Variants in ZDHHC20 observed in about 807,000 individuals in gnomAD.
The protein encoded by ZDHHC20 is zDHHC palmitoyltransferase 20, also known as palmitoyltransferase ZDHHC20.
A neutral mutation model predicts 57.8 loss-of-function variants in ZDHHC20; 43 were observed. The observed-to-expected ratio is 0.74, with a 90% confidence interval of 0.58 to 0.96. The LOEUF is 0.96. Ranked by LOEUF, ZDHHC20 falls within the 40% of genes least tolerant of loss-of-function variation. The pLI is 0.00. For missense variants in ZDHHC20, 391 were observed against 441.1 expected (o/e 0.89, Z 1.02); for synonymous variants, 157 against 153.0 (o/e 1.03, Z -0.19).
intron 1 of ZDHHC20, 44 bp downstream of exon 1, chr13:21,459,010 G>GCCGCGGC (rs770854176): frequency 3.4e-5 from 51 of 1,507,150 alleles, no homozygotes; most frequent in African/African-American, 2.7e-4. Context: ...TCGCGCCCTA[G>GCCGCGGC]CCGCGGCCCG....
At chr13:21,444,511 C>A (rs2146401) in intron 1 of ZDHHC20, among the ~76,000 whole-genome samples, 90,225 of 151,942 alleles carry the variant, frequency 0.59, 27,610 homozygotes, top group Non-Finnish European at 0.68. Flanking sequence ...GTGATAATAA[C>A]GGGTACTTTC....
intron 1 of ZDHHC20, among the ~76,000 whole-genome samples, chr13:21,438,517 C>T (rs1371726183): frequency 6.6e-6 from 1 of 152,144 alleles, no homozygotes; most frequent in Non-Finnish European, 1.5e-5. Context: ...TTGCTGCAAC[C>T]TCATGATAAA....
At chr13:21,452,972 C>T (rs1423413322) in intron 1 of ZDHHC20, among the ~76,000 whole-genome samples, 2 of 152,028 alleles carry the variant, frequency 1.3e-5, no homozygotes, top group Non-Finnish European at 2.9e-5. Flanking sequence ...TAGACTTAAG[C>T]CTATATCAAT....
At chr13:21,439,225 T>C (rs1368602555) in intron 1 of ZDHHC20, among the ~76,000 whole-genome samples, 20 of 152,198 alleles carry the variant, frequency 1.3e-4, no homozygotes, top group African/African-American at 4.8e-4. Flanking sequence ...CTTGGCCGAG[T>C]GCAGTGGCTC....
intron 11 of ZDHHC20, among the ~76,000 whole-genome samples, chr13:21,380,471 T>C (rs1047421993): frequency 6.6e-6 from 1 of 151,718 alleles, no homozygotes; most frequent in African/African-American, 2.4e-5. Flanking sequence ...AGAATTATTT[T>C]CAACTAAGCA....
Position 21,421,108 on chromosome 13 carries a change from AC to A in ZDHHC20, c.201del (p.Trp67CysfsTer5). 1 of 1,613,366 alleles carries A rather than the reference AC, an allele frequency of 6.2e-7. No homozygotes were observed. Among genetic ancestry groups the A allele is most frequent in the Non-Finnish European group, 8.5e-7 (1 of 1,179,732 alleles). On this transcript the variant is annotated frameshift_variant, in exon 3 of 13. Coordinates refer to ENST00000400590, the MANE Select transcript of ZDHHC20 (RefSeq NM_001330059.2). LOFTEE classifies it high-confidence loss of function. The stretch of plus-strand genomic sequence containing the variant: ...GATGTGAAAATTGTCATCCAATAGG[AC>A]CATACAAACATAACAAAGAACAGAT... ...AFHLFFVMFVWSYWMTIFTSP... is the reference protein window; with the variant it reads ...AFHLFFVMFVXSYWMTIFTSP...
intron 7 of ZDHHC20, among the ~76,000 whole-genome samples, chr13:21,399,713 A>C (rs1362297125): frequency 6.6e-6 from 1 of 152,192 alleles, no homozygotes; most frequent in Non-Finnish European, 1.5e-5. Flanking sequence ...GATAAAACAT[A>C]TACAAATATA....
At chr13:21,419,973 G>A (rs1036916895) in intron 3 of ZDHHC20, among the ~76,000 whole-genome samples, 2 of 152,158 alleles carry the variant, frequency 1.3e-5, no homozygotes, top group Non-Finnish European at 2.9e-5. Flanking sequence ...TCCTAACAAT[G>A]TGGCAGGTAC....
chr13:21,411,663 G>T (rs1183490552), intron 4 of ZDHHC20, among the ~76,000 whole-genome samples: 1 of 152,202 alleles, frequency 6.6e-6, no homozygotes, highest in African/African-American at 2.4e-5. Flanking sequence ...AGAAAAGGAG[G>T]CTTGATGACT....
intron 3 of ZDHHC20, 145 bp downstream of exon 3, chr13:21,420,916 A>G: frequency 3.2e-6 from 2 of 621,018 alleles, no homozygotes; most frequent in Admixed American, 2.9e-5. Flanking sequence ...CTGATGACTC[A>G]CATTCACAGT....
At position 21,455,411 on chromosome 13, in the gene ZDHHC20, C is replaced by G. The variant is rs138082599; in HGVS notation, c.118+3643G>C. On this transcript the variant is annotated intron_variant, in intron 1 of 12. Coordinates refer to ENST00000400590, the MANE Select transcript of ZDHHC20 (RefSeq NM_001330059.2). ...GAATTAGCACTTGCCTCAAAAATAACCACCTTGACCAAAGAGAAGAAGTTA... is the reference window on the plus strand; with the variant it reads ...GAATTAGCACTTGCCTCAAAAATAAGCACCTTGACCAAAGAGAAGAAGTTA... 2.4e-3 allele frequency among the ~76,000 whole-genome samples: 361 copies of G among 152,196 alleles called. 3 individuals carry two copies. The highest frequency in any genetic ancestry group is 8.3e-3 in the African/African-American group (346 of 41,518).
intron 1 of ZDHHC20, among the ~76,000 whole-genome samples, chr13:21,427,690 C>T (rs1190113768): frequency 6.6e-6 from 1 of 151,968 alleles, no homozygotes; most frequent in Non-Finnish European, 1.5e-5. Context: ...CAAAAATTAG[C>T]CAGGCATGGT....
intron 1 of ZDHHC20, among the ~76,000 whole-genome samples, chr13:21,447,450 G>A (rs1441944687): frequency 6.8e-6 from 1 of 147,354 alleles, no homozygotes; most frequent in Non-Finnish European, 1.5e-5. Flanking sequence ...GCGCCGCCAC[G>A]CCTGACTGGT....
At chr13:21,448,229 C>A (rs1402395871) in intron 1 of ZDHHC20, among the ~76,000 whole-genome samples, 2 of 60,802 alleles carry the variant, frequency 3.3e-5, no homozygotes, top group Admixed American at 1.4e-4. Flanking sequence ...CTGCCCCATC[C>A]GGGAGGTGAG....
intron 1 of ZDHHC20, among the ~76,000 whole-genome samples, chr13:21,448,843 A>C: frequency 1.1e-5 from 1 of 88,074 alleles, no homozygotes; most frequent in East Asian, 2.3e-4. Context: ...AGAAGTAGAC[A>C]TGGGAGACTT....
At chr13:21,445,179 T>A (rs1883564785) in intron 1 of ZDHHC20, among the ~76,000 whole-genome samples, 1 of 152,082 alleles carries the variant, frequency 6.6e-6, no homozygotes, top group African/African-American at 2.4e-5. Flanking sequence ...TGACTAGTTA[T>A]AACAAATATA....
intron 1 of ZDHHC20, among the ~76,000 whole-genome samples, chr13:21,428,687 C>G (rs911525641): frequency 3.3e-5 from 5 of 151,312 alleles, no homozygotes; most frequent in Admixed American, 3.3e-4. Context: ...GGTGAAACCC[C>G]ATCTCTACTA....
At chr13:21,416,657 A>G (rs143993727) in intron 3 of ZDHHC20, among the ~76,000 whole-genome samples, 1 of 152,214 alleles carries the variant, frequency 6.6e-6, no homozygotes, top group Non-Finnish European at 1.5e-5. Context: ...GCAGTGGGAG[A>G]TATCAATGAA....
chr13:21,441,946 A>T (rs1028381250), intron 1 of ZDHHC20, among the ~76,000 whole-genome samples: 1 of 152,142 alleles, frequency 6.6e-6, no homozygotes, highest in Non-Finnish European at 1.5e-5. Flanking sequence ...CGTCAATACA[A>T]TGTTACCAAG....
Sources: allele counts gnomAD v4.1 joint callset (sites outside exome capture counted in the v4.1 genomes callset), GRCh38; gene constraint gnomAD v4.1.1; transcripts MANE v1.5; gene names NCBI Gene and HGNC (gene_info 2026-07-23, HGNC 2026-07-21).